UCN3: variants seen among roughly 807,000 people sequenced by gnomAD.
The protein encoded by UCN3 is urocortin 3, also known as urocortin-3.
A neutral mutation model predicts 3.6 loss-of-function variants in UCN3; 3 were observed. That is an observed-to-expected ratio of 0.83 (90% CI 0.38 to 2.15). The LOEUF (loss-of-function observed/expected upper bound fraction) is 2.15. UCN3 is among the 30% of genes most tolerant of loss of function. UCN3 has a pLI of 0.06. For synonymous variants in UCN3, 100 were observed against 93.2 expected, an observed-to-expected ratio of 1.07 and a Z score of -0.42; for missense variants, 206 against 208.3, an observed-to-expected ratio of 0.99 and a Z score of 0.07.
chr10:5,370,515 G>GCGTGTGTATATGCGTGTATA (rs1831371703), intron 1 of UCN3, among the ~76,000 whole-genome samples: 1 of 99,218 alleles, frequency 1.0e-5, no homozygotes. Flanking sequence ...GTGTGTATAT[G>GCGTGTGTATATGCGTGTATA]TGTGTGTATG....
intron 1 of UCN3, among the ~76,000 whole-genome samples, chr10:5,370,035 G>C (rs1166670488): frequency 8.4e-6 from 1 of 118,848 alleles, no homozygotes; most frequent in Non-Finnish European, 1.7e-5. Flanking sequence ...GTGTATATGC[G>C]TGTGTATATG....
At chr10:5,368,427 AAAAG>A (rs1831281506) in intron 1 of UCN3, among the ~76,000 whole-genome samples, 1 of 152,212 alleles carries the variant, frequency 6.6e-6, no homozygotes, top group Non-Finnish European at 1.5e-5. Flanking sequence ...CAGAAGTAGA[AAAAG>A]AAAGAAATCA....
Position 5,370,318 on chromosome 10 carries a change from TGTGTGTATATGC to T in UCN3, c.-6-3373_-6-3362del, listed in dbSNP as rs1281443639. On this transcript the variant is annotated intron_variant, in intron 1 of 1. Coordinates refer to ENST00000380433, the MANE Select transcript of UCN3 (RefSeq NM_053049.4). ...GTATGCGTGTGTATATGCGTGTATG[TGTGTGTATATGC>T]GTGTGTATATGCGTGTGTATATGTG... Among the ~76,000 whole-genome samples the T allele has an allele frequency of 1.1e-4, 8 of 76,134 alleles. 1 individual carries two copies. Among genetic ancestry groups the T allele is most frequent in the East Asian group, 8.8e-4 (2 of 2,276 alleles). The allele number at this position is 76,134 out of a possible 152,430, so 49.9% of individuals were successfully genotyped here. A position where few individuals can be genotyped will look rare whatever the true frequency, so the allele number is the denominator to read the frequency against.
intron 1 of UCN3, among the ~76,000 whole-genome samples, chr10:5,372,509 G>A (rs1216323136): frequency 3.3e-5 from 5 of 152,156 alleles, no homozygotes; most frequent in East Asian, 1.9e-4. Flanking sequence ...CGAGTCGGAC[G>A]TTTGTATTGC....
At chr10:5,370,835 G>A (rs1292159832) in intron 1 of UCN3, among the ~76,000 whole-genome samples, 1,918 of 91,428 alleles carry the variant, frequency 0.021, 145 homozygotes, top group East Asian at 0.11. Context: ...GCGCGTGTGT[G>A]TGCGCGTGTG....
At chr10:5,371,320 C>A (rs113397998) in intron 1 of UCN3, among the ~76,000 whole-genome samples, 2,064 of 148,564 alleles carry the variant, frequency 0.014, 108 homozygotes, top group African/African-American at 0.049. Flanking sequence ...TGTGTATGTA[C>A]GTGTAAGGTG....
chr10:5,370,166 T>TGCGTGTGTATATGCGTGTGTATGC (rs1831343376), intron 1 of UCN3, among the ~76,000 whole-genome samples: 2 of 96,548 alleles, frequency 2.1e-5, no homozygotes, highest in African/African-American at 1.2e-4. Flanking sequence ...TGTGTGTATA[T>TGCGTGTGTATATGCGTGTGTATGC]GTGTGTGTAT....
Position 5,369,956 on chromosome 10 carries a change from TGTGTATATGC to T in UCN3, c.-6-3754_-6-3745del, listed in dbSNP as rs1554811057. Among the ~76,000 whole-genome samples, 104 of 145,714 alleles carry T rather than the reference TGTGTATATGC, an allele frequency of 7.1e-4. 12 individuals carry two copies. The highest frequency in any genetic ancestry group is 1.7e-3 in the South Asian group (8 of 4,620). The stretch of plus-strand genomic sequence containing the variant: ...GTGTGTGTATGTGTGTGTATATGTG[TGTGTATATGC>T]GTGTGTATATGCGTGTGTATATGTG... On this transcript the variant is annotated intron_variant, in intron 1 of 1. Coordinates refer to ENST00000380433, the MANE Select transcript of UCN3 (RefSeq NM_053049.4).
chr10:5,372,012 G>C (rs1275385846), intron 1 of UCN3, among the ~76,000 whole-genome samples: 1 of 152,222 alleles, frequency 6.6e-6, no homozygotes, highest in African/African-American at 2.4e-5. Context: ...ACCGCAATGA[G>C]AGAACAGGCA....
intron 1 of UCN3, among the ~76,000 whole-genome samples, chr10:5,372,254 ACT>A (rs1831440456): frequency 3.3e-5 from 5 of 152,088 alleles, no homozygotes; most frequent in African/African-American, 1.2e-4. Flanking sequence ...CAGGAAGTCA[ACT>A]CTGCCCACTT....
chr10:5,370,663 GTATGTGTGTGTA>G (rs1187918383), intron 1 of UCN3, among the ~76,000 whole-genome samples: 5 of 57,726 alleles, frequency 8.7e-5, no homozygotes, highest in Non-Finnish European at 1.1e-4. Context: ...GTATGTGTGT[GTATGTGTGTGTA>G]TGTGTGTGTG....
At chr10:5,369,937 G>GTGTA (rs1831323633) in intron 1 of UCN3, among the ~76,000 whole-genome samples, 1 of 77,162 alleles carries the variant, frequency 1.3e-5, no homozygotes, top group African/African-American at 5.3e-5. Flanking sequence ...GTGTGTGTGT[G>GTGTA]TATGTGTGTG....
At chr10:5,370,315 A>ATG (rs1489726621) in intron 1 of UCN3, among the ~76,000 whole-genome samples, 1 of 30,882 alleles carries the variant, frequency 3.2e-5, no homozygotes, top group African/African-American at 1.7e-4. Context: ...ATATGCGTGT[A>ATG]TGTGTGTGTA....
intron 1 of UCN3, among the ~76,000 whole-genome samples, chr10:5,371,476 G>T (rs72780524): frequency 6.6e-6 from 1 of 151,998 alleles, no homozygotes; most frequent in African/African-American, 2.4e-5. Context: ...GTGAAGCAGC[G>T]GGGACTTACA....
Position 5,374,098 on chromosome 10 carries a change from C to A in UCN3, c.378C>A (p.Val126=), listed in dbSNP as rs781965293. The A allele has an allele frequency of 3.7e-6, 6 of 1,613,740 alleles. No homozygotes were observed. In the South Asian group the frequency reaches 6.6e-5, roughly 18 times the overall value. The change falls in exon 2 of 2, where the codon GTC becomes GTA. Residue 126 remains valine, a synonymous_variant. Coordinates refer to ENST00000380433, the MANE Select transcript of UCN3 (RefSeq NM_053049.4). ...CCAAGTTCACCCTGTCCCTCGACGT[C>A]CCCACCAACATCATGAACCTCCTCT... is the stretch of plus-strand genomic sequence containing the variant. ...HRTKFTLSLD[V]PTNIMNLLFN...
At chr10:5,372,794 A>G (rs781835001) in intron 1 of UCN3, among the ~76,000 whole-genome samples, 88 of 151,134 alleles carry the variant, frequency 5.8e-4, no homozygotes, top group South Asian at 1.1e-3. Flanking sequence ...GGTTCAAACA[A>G]TCCTCCCACC....
At chr10:5,372,491 A>G (rs1554811641) in intron 1 of UCN3, among the ~76,000 whole-genome samples, 1 of 152,208 alleles carries the variant, frequency 6.6e-6, no homozygotes, top group African/African-American at 2.4e-5. Context: ...AAGGAACATG[A>G]GGGTCATCGA....
chr10:5,374,017 C>G lies in UCN3; in HGVS notation c.297C>G (p.Ser99=). The change falls in exon 2 of 2, where the codon TCC becomes TCG. Residue 99 remains serine, a synonymous_variant. Transcript: ENST00000380433. ...GARGTRYRYV[S]QAQPRGKPRQ... is the part of the protein sequence containing the mutation. ...GAGGCACCCGGTACAGATACGTGTCCCAAGCACAGCCCAGGGGAAAGCCAC... is the reference window on the plus strand; with the variant it reads ...GAGGCACCCGGTACAGATACGTGTCGCAAGCACAGCCCAGGGGAAAGCCAC... 2.5e-6 allele frequency: 4 copies of G among 1,611,670 alleles called. No homozygotes were observed. The South Asian group carries it at 4.4e-5, about 18-fold the overall frequency.
chr10:5,373,732 G>C lies in UCN3; in HGVS notation c.12G>C (p.Pro4=), dbSNP rs143428753. Residue 4 remains proline (P), a synonymous_variant, in exon 2 of 2, where the codon CCG becomes CCC. Transcript: ENST00000380433. ...TGCTGCAGGGAGAGATGCTGATGCC[G>C]GTCCACTTCCTGCTGCTCCTGCTGC... MLM[P]VHFLLLLLLL... is the part of the protein sequence containing the mutation. 2.0e-5 allele frequency: 33 copies of C among 1,613,390 alleles called. No homozygotes were observed. The African/African-American group carries it at 3.9e-4, about 19-fold the overall frequency.
Sources: gnomAD v4.1 joint callset for allele counts (sites outside exome capture counted in the v4.1 genomes callset) on GRCh38, gnomAD v4.1.1 for gene constraint, MANE v1.5 for transcripts, NCBI Gene and HGNC (gene_info 2026-07-23, HGNC 2026-07-21) for gene names.